The following GLRA3 variants were observed in gnomAD, a reference collection of about 807,000 sequenced individuals.
GLRA3 encodes glycine receptor subunit alpha-3.
GLRA3 carries 44 observed loss-of-function variants against 60.4 expected under a neutral mutation model. That is an observed-to-expected ratio of 0.73 (90% CI 0.57 to 0.94). GLRA3 has a LOEUF of 0.94. Ranked by LOEUF, GLRA3 falls within the 40% of genes least tolerant of loss-of-function variation. The probability of loss-of-function intolerance (pLI) is 0.00; values close to 1 mark genes in which losing one functional copy is unlikely to be tolerated. For missense variants in GLRA3, 508 were observed against 564.6 expected, an observed-to-expected ratio of 0.90 and a Z score of 1.02; for synonymous variants, 223 against 192.9, an observed-to-expected ratio of 1.16 and a Z score of -1.29.
At chr4:174,752,619 G>A (rs545528665) in intron 3 of GLRA3, among the ~76,000 whole-genome samples, 1 of 152,182 alleles carries the variant, frequency 6.6e-6, no homozygotes, top group South Asian at 2.1e-4. Flanking sequence ...TCCCAGAAGC[G>A]CTGGAAGACT....
At chr4:174,787,342 C>G (rs1272035558) in intron 2 of GLRA3, among the ~76,000 whole-genome samples, 22 of 151,986 alleles carry the variant, frequency 1.4e-4, no homozygotes. Context: ...TGCTAATTCC[C>G]GATTATGTGT....
chr4:174,772,644 A>C (rs1484051337), intron 2 of GLRA3, among the ~76,000 whole-genome samples: 1 of 152,210 alleles, frequency 6.6e-6, no homozygotes, highest in Non-Finnish European at 1.5e-5. Flanking sequence ...ACAGTTTGGA[A>C]ATAAAAATCA....
chr4:174,644,282 A>G (rs1418911953), intron 9 of GLRA3, among the ~76,000 whole-genome samples: 2 of 152,112 alleles, frequency 1.3e-5, no homozygotes, highest in Non-Finnish European at 1.5e-5. Context: ...ATAAATGTGA[A>G]ATCCCAAAGG....
intron 7 of GLRA3, among the ~76,000 whole-genome samples, chr4:174,676,705 G>C (rs1734131263): frequency 6.6e-6 from 1 of 151,546 alleles, no homozygotes; most frequent in Admixed American, 6.6e-5. Flanking sequence ...AGTAAATTAT[G>C]GCATATCCAT....
At chr4:174,791,529 T>C (rs1739345885) in intron 1 of GLRA3, among the ~76,000 whole-genome samples, 1 of 152,224 alleles carries the variant, frequency 6.6e-6, no homozygotes, top group Non-Finnish European at 1.5e-5. Context: ...AACCCCAGAA[T>C]TACTCTTTGG....
chr4:174,823,349 C>T (rs1234347864), intron 1 of GLRA3, among the ~76,000 whole-genome samples: 2 of 152,012 alleles, frequency 1.3e-5, no homozygotes, highest in Non-Finnish European at 2.9e-5. Flanking sequence ...ATAGTGAAAA[C>T]CTCTCTCTAC....
At chr4:174,765,241 A>T (rs1219647262) in intron 3 of GLRA3, among the ~76,000 whole-genome samples, 2 of 152,070 alleles carry the variant, frequency 1.3e-5, no homozygotes, top group African/African-American at 4.8e-5. Flanking sequence ...AGATTGTGTT[A>T]TAACAGTTTT....
At chr4:174,765,580 T>G (rs1193872875) in intron 3 of GLRA3, among the ~76,000 whole-genome samples, 1 of 152,042 alleles carries the variant, frequency 6.6e-6, no homozygotes, top group East Asian at 1.9e-4. Flanking sequence ...AGTGATTCCT[T>G]CAACTGTGGA....
intron 1 of GLRA3, among the ~76,000 whole-genome samples, chr4:174,795,199 A>G (rs971407119): frequency 2.6e-5 from 4 of 152,032 alleles, no homozygotes; most frequent in African/African-American, 9.7e-5. Flanking sequence ...TATCACTAAC[A>G]TAGACCAAGA....
chr4:174,822,762 C>T (rs566788174), intron 1 of GLRA3, among the ~76,000 whole-genome samples: 9 of 152,286 alleles, frequency 5.9e-5, no homozygotes, highest in South Asian at 4.1e-4. Flanking sequence ...TCGCTTACAT[C>T]GGAAATGCTT....
chr4:174,657,461 C>T (rs1198924825), intron 8 of GLRA3, among the ~76,000 whole-genome samples: 1 of 151,986 alleles, frequency 6.6e-6, no homozygotes, highest in Non-Finnish European at 1.5e-5. Context: ...TGACAAAAAG[C>T]AAATCATAAT....
At chr4:174,794,205 C>A (rs1739471593) in intron 1 of GLRA3, among the ~76,000 whole-genome samples, 1 of 152,014 alleles carries the variant, frequency 6.6e-6, no homozygotes, top group Non-Finnish European at 1.5e-5. Context: ...CATTGAAACC[C>A]ACCTATTATA....
chr4:174,683,333 AT>A (rs1187792556), intron 5 of GLRA3, among the ~76,000 whole-genome samples: 1 of 151,540 alleles, frequency 6.6e-6, no homozygotes, highest in Non-Finnish European at 1.5e-5. Context: ...AAAAACTGAA[AT>A]TGTCACTCGT....
At chr4:174,689,611 T>C (rs1488457932) in intron 5 of GLRA3, among the ~76,000 whole-genome samples, 1 of 151,762 alleles carries the variant, frequency 6.6e-6, no homozygotes, top group African/African-American at 2.4e-5. Flanking sequence ...TGTCTATCAT[T>C]CTACACTCCG....
rs557390569 is a variant in GLRA3, at chr4:174,687,783, T to TG, written c.575-4845dup. ...GATATGTACGATGAAGTGTGTCAGC[T>TG]GTTTGGAAGATCTAAATAACTCATC... On this transcript the variant is annotated intron_variant, in intron 5 of 9. Transcript: ENST00000274093. Among the ~76,000 whole-genome samples the TG allele has an allele frequency of 7.4e-4, 112 of 152,304 alleles. 6 individuals are homozygous for TG. The East Asian group carries it at 7.7e-3, about 10-fold the overall frequency.
intron 1 of GLRA3, among the ~76,000 whole-genome samples, chr4:174,796,800 G>C (rs549221209): frequency 1.9e-3 from 294 of 152,208 alleles, no homozygotes; most frequent in African/African-American, 6.7e-3. Context: ...CTCCCAAATT[G>C]CTGGGATTAC....
intron 3 of GLRA3, among the ~76,000 whole-genome samples, chr4:174,753,747 A>G (rs186453243): frequency 1.3e-5 from 2 of 152,308 alleles, no homozygotes; most frequent in Non-Finnish European, 2.9e-5. Context: ...AATTAAGAGG[A>G]GGCAGAAAAG....
rs10024489 is a variant in GLRA3, at chr4:174,645,613, G to A, written c.1117-1549C>T. The stretch of plus-strand genomic sequence containing the variant: ...TTATGAAAGTAACGTGATTCCACCT[G>A]CAAAACAAAAGTATATGATTATTGG... On this transcript the variant is annotated intron_variant, in intron 9 of 9. Transcript: ENST00000274093. 6.8e-3 allele frequency among the ~76,000 whole-genome samples: 1,032 copies of A among 152,080 alleles called. 10 individuals are homozygous for A. Among genetic ancestry groups the A allele is most frequent in the African/African-American group, 0.023 (969 of 41,476 alleles).
intron 5 of GLRA3, among the ~76,000 whole-genome samples, chr4:174,691,796 C>T (rs1479046600): frequency 6.6e-6 from 1 of 152,276 alleles, no homozygotes; most frequent in East Asian, 1.9e-4. Context: ...AAGATTGCAG[C>T]CTCTGCCCGG....
Sources: allele counts gnomAD v4.1 joint callset (sites outside exome capture counted in the v4.1 genomes callset), GRCh38; gene constraint gnomAD v4.1.1; transcripts MANE v1.5; gene names NCBI Gene and HGNC (gene_info 2026-07-23, HGNC 2026-07-21).